The following PLEKHO2 variants were observed in gnomAD, a reference collection of about 807,000 sequenced individuals.
PLEKHO2 encodes the protein pleckstrin homology domain-containing family O member 2.
A neutral mutation model predicts 32.7 loss-of-function variants in PLEKHO2; 20 were observed. The ratio of observed to expected loss-of-function variants is 0.61; its 90% CI spans 0.43 to 0.89. The LOEUF (loss-of-function observed/expected upper bound fraction) is 0.89, where lower values mean the gene tolerates loss of function less well. Among genes scored for constraint, PLEKHO2 ranks in the 40% least tolerant of loss-of-function variants. The pLI is 0.00. For missense variants in PLEKHO2, 568 were observed against 621.2 expected (o/e 0.91, Z 0.91); for synonymous variants, 247 against 246.3 (o/e 1.00, Z -0.03).
intron 1 of PLEKHO2, 140 bp from the exon 2 acceptor site, chr15:64,848,453 T>A: frequency 2.2e-6 from 2 of 919,880 alleles, no homozygotes; most frequent in East Asian, 5.0e-5. Flanking sequence ...ATATCTGCCT[T>A]GGGGGTTGTG....
chr15:64,861,583 C>T lies in PLEKHO2; in HGVS notation c.483+8C>T. On this transcript the variant is annotated splice_region_variant and intron_variant, in intron 5 of 5. Coordinates refer to ENST00000323544, the MANE Select transcript of PLEKHO2 (RefSeq NM_025201.5). Reference sequence around the variant, plus strand: ...AGAGTCCACCTGAAGGAGGTAGGGCCTTACCCAGTGTGGATGTTGGGGTTA... The same window carrying T: ...AGAGTCCACCTGAAGGAGGTAGGGCTTTACCCAGTGTGGATGTTGGGGTTA... The T allele has an allele frequency of 4.4e-6, 7 of 1,584,972 alleles. No individual in the cohort carries two copies. Among genetic ancestry groups the T allele is most frequent in the Non-Finnish European group, 6.0e-6 (7 of 1,166,868 alleles).
intron 1 of PLEKHO2, among the ~76,000 whole-genome samples, chr15:64,842,469 C>G (rs750181884): frequency 2.7e-5 from 4 of 147,320 alleles, no homozygotes; most frequent in Non-Finnish European, 6.0e-5. Context: ...TTGGGGGGTT[C>G]CTGTCTCAAG....
rs1447319733 is a variant in PLEKHO2 at position 64,865,024 on chromosome 15, C to T, written c.609C>T (p.Leu203=). 6.2e-7 allele frequency: 1 copy of T among 1,614,052 alleles called. No individual in the cohort carries two copies. Among genetic ancestry groups the T allele is most frequent in the Non-Finnish European group, 8.5e-7 (1 of 1,180,022 alleles). The change falls in exon 6 of 6, where the codon CTC becomes CTT. Residue 203 remains leucine, a synonymous_variant. Transcript: ENST00000323544. ...AACCTCGGGAGACACCCCGGCCCCT[C>T]ATGCCTCCTACCAAGCCTTTCCTAG... ...EAQPRETPRP[L]MPPTKPFLAP... is the part of the protein sequence containing the mutation.
rs367961479 is a variant in PLEKHO2, at chr15:64,854,909, C to T, written c.163-12C>T. On this transcript the variant is annotated splice_polypyrimidine_tract_variant and intron_variant, in intron 2 of 5. Transcript: ENST00000323544. Reference sequence around the variant, plus strand: ...TGTCACCAGCTCATGTCCCTTCTGTCTCCCTCCCCAGGATGATCAGAAGTG... The same window carrying T: ...TGTCACCAGCTCATGTCCCTTCTGTTTCCCTCCCCAGGATGATCAGAAGTG... The T allele has an allele frequency of 1.9e-6, 3 of 1,607,028 alleles. No homozygotes were observed. The highest frequency in any genetic ancestry group is 2.7e-5 in the African/African-American group (2 of 74,826).
chr15:64,850,949 G>GAGCCTGCCTCTTCCTCATCCACCTCTCCC (rs1346587318), intron 2 of PLEKHO2, among the ~76,000 whole-genome samples: 1 of 152,228 alleles, frequency 6.6e-6, no homozygotes, highest in Non-Finnish European at 1.5e-5. Context: ...GCAGAAGGGG[G>GAGCCTGCCTCTTCCTCATCCACCTCTCCC]AGCCTGCCTC....
At chr15:64,862,843 T>C (rs921141407) in intron 5 of PLEKHO2, among the ~76,000 whole-genome samples, 5 of 152,084 alleles carry the variant, frequency 3.3e-5, no homozygotes, top group Admixed American at 6.6e-5. Flanking sequence ...TAGTTACATA[T>C]GTATACATGT....
At chr15:64,845,299 G>C (rs944558007) in intron 1 of PLEKHO2, among the ~76,000 whole-genome samples, 4 of 151,262 alleles carry the variant, frequency 2.6e-5, no homozygotes, top group Non-Finnish European at 5.9e-5. Context: ...ACAGTGGGCA[G>C]GAAAGGGCCT....
At chr15:64,864,446 T>C (rs1460467389) in intron 5 of PLEKHO2, among the ~76,000 whole-genome samples, 1 of 152,216 alleles carries the variant, frequency 6.6e-6, no homozygotes, top group African/African-American at 2.4e-5. Context: ...GTCCTGGTCC[T>C]GTCTCTGACT....
chr15:64,860,139 A>G (rs886229018), intron 4 of PLEKHO2, 141 bp downstream of exon 4: 1 of 691,544 alleles, frequency 1.4e-6, no homozygotes, highest in African/African-American at 1.8e-5. Flanking sequence ...TACCTTCTAT[A>G]GTCCTCACTA....
rs201659798 is a variant in PLEKHO2 at position 64,863,531 on chromosome 15, G to GTGTT, written c.484-1365_484-1364insTTGT. The stretch of plus-strand genomic sequence containing the variant: ...TGTGTGTGTGTGTTTGTGTGTGTGT[G>GTGTT]TGTGTGTGTGTGTGTGTGTGTGGTG... On this transcript the variant is annotated intron_variant, in intron 5 of 5. Coordinates refer to ENST00000323544, the MANE Select transcript of PLEKHO2 (RefSeq NM_025201.5). Among the ~76,000 whole-genome samples, 17 of 151,352 alleles carry GTGTT rather than the reference G, an allele frequency of 1.1e-4. 1 individual carries two copies. Among genetic ancestry groups the GTGTT allele is most frequent in the African/African-American group, 3.9e-4 (16 of 41,080 alleles).
Position 64,865,379 on chromosome 15 carries a change from A to G in PLEKHO2, c.964A>G (p.Lys322Glu). Residue 322 changes from lysine (K) to glutamate (E), a missense_variant, in exon 6 of 6, where the codon AAA (lysine) becomes GAA (glutamate). Physicochemically the swap from Lys to Glu is moderately conservative, Grantham distance 56. Transcript: ENST00000323544. Reference protein sequence around the residue: ...PPPKILSEKLKASMGEMQASG... With the variant: ...PPPKILSEKLEASMGEMQASG... ...ACCCAAGATCTTATCAGAGAAACTG[A>G]AAGCCTCCATGGGTGAGATGCAGGC... 1 of 1,613,666 alleles carries G rather than the reference A, an allele frequency of 6.2e-7. No homozygotes were observed. Among genetic ancestry groups the G allele is most frequent in the Non-Finnish European group, 8.5e-7 (1 of 1,179,700 alleles).
rs116876404 is a variant in PLEKHO2 at position 64,859,157 on chromosome 15, C to T, written c.280-737C>T. On this transcript the variant is annotated intron_variant, in intron 3 of 5. Transcript: ENST00000323544. ...CATTGTACGTATGGACCACATTTTG[C>T]TTATCCATTCATCTGTCAGTGGACA... Among the ~76,000 whole-genome samples the T allele has an allele frequency of 1.2e-4, 18 of 152,328 alleles. No individual in the cohort carries two copies. The East Asian group carries it at 3.5e-3, about 29-fold the overall frequency.
chr15:64,845,072 G>C (rs138996067), intron 1 of PLEKHO2, among the ~76,000 whole-genome samples: 18 of 152,314 alleles, frequency 1.2e-4, no homozygotes, highest in East Asian at 3.9e-4. Context: ...AACATCACTG[G>C]GTTTTGTCAA....
intron 1 of PLEKHO2, among the ~76,000 whole-genome samples, chr15:64,842,717 C>T (rs944471428): frequency 6.6e-6 from 1 of 152,168 alleles, no homozygotes; most frequent in African/African-American, 2.4e-5. Flanking sequence ...CTGCCTTCCC[C>T]ACCCGAGGGC....
Position 64,867,229 on chromosome 15 carries a change from G to T in PLEKHO2, c.*1341G>T, listed in dbSNP as rs1333243577. ...GTTTACTGAAAGAGAGAAAGGGGGG[G>T]GTCACAGCAACATGCCCTGGCCTTT... On this transcript the variant is annotated 3_prime_UTR_variant, in exon 6 of 6. Coordinates refer to ENST00000323544, the MANE Select transcript of PLEKHO2 (RefSeq NM_025201.5). 1 of 152,760 alleles carries T rather than the reference G, an allele frequency of 6.5e-6. No individual in the cohort carries two copies. The highest frequency in any genetic ancestry group is 6.5e-5 in the Admixed American group (1 of 15,282). The allele number at this position is 152,760 out of a possible 1,614,324, so 9.5% of individuals were successfully genotyped here. A position where few individuals can be genotyped will look rare whatever the true frequency, so the allele number is the denominator to read the frequency against.
At chr15:64,850,239 A>G (rs895705663) in intron 2 of PLEKHO2, among the ~76,000 whole-genome samples, 2 of 152,116 alleles carry the variant, frequency 1.3e-5, no homozygotes, top group African/African-American at 4.8e-5. Context: ...GACAAATTGC[A>G]ATAGTCCCAT....
rs376448756 is a variant in PLEKHO2 at position 64,860,895 on chromosome 15, G to A, written c.385-582G>A. 1.6e-4 allele frequency among the ~76,000 whole-genome samples: 25 copies of A among 152,346 alleles called. No individual in the cohort carries two copies. The East Asian group carries it at 3.5e-3, about 21-fold the overall frequency. On this transcript the variant is annotated intron_variant, in intron 4 of 5. Coordinates refer to ENST00000323544, the MANE Select transcript of PLEKHO2 (RefSeq NM_025201.5). Reference sequence around the variant, plus strand: ...GACAGCTGGAGTCACATGTGGGCCTGAGCCCCCACTCCCCATCATAGGGCC... The same window carrying A: ...GACAGCTGGAGTCACATGTGGGCCTAAGCCCCCACTCCCCATCATAGGGCC...
At chr15:64,851,903 C>T (rs960101679) in intron 2 of PLEKHO2, among the ~76,000 whole-genome samples, 12 of 152,134 alleles carry the variant, frequency 7.9e-5, no homozygotes, top group Admixed American at 7.9e-4. Flanking sequence ...GATTCTTCCC[C>T]GGGCAGTTTC....
chr15:64,864,932 C>T lies in PLEKHO2; in HGVS notation c.517C>T (p.Leu173=), dbSNP rs1184648153. ...ASAASDGLLR[L]DLDVPDSGPP... ...TGCAGCTTCTGACGGTCTTCTGCGC[C>T]TGGATCTTGATGTTCCGGACAGTGG... The change falls in exon 6 of 6, where the codon CTG becomes TTG. Residue 173 remains leucine, a synonymous_variant. Coordinates refer to ENST00000323544, the MANE Select transcript of PLEKHO2 (RefSeq NM_025201.5). 6.2e-7 allele frequency: 1 copy of T among 1,613,024 alleles called. No individual in the cohort carries two copies. The highest frequency in any genetic ancestry group is 8.5e-7 in the Non-Finnish European group (1 of 1,179,202).
Sources: gnomAD v4.1 joint callset for allele counts (sites outside exome capture counted in the v4.1 genomes callset) on GRCh38, gnomAD v4.1.1 for gene constraint, MANE v1.5 for transcripts, NCBI Gene and HGNC (gene_info 2026-07-23, HGNC 2026-07-21) for gene names.